CYYR1: variants seen among roughly 807,000 people sequenced by gnomAD.
The protein encoded by CYYR1 is cysteine and tyrosine rich 1, also known as cysteine and tyrosine-rich protein 1.
In CYYR1, 14 loss-of-function variants were observed where a neutral mutation model predicts 15.2. That is an observed-to-expected ratio of 0.92 (90% CI 0.61 to 1.44). The LOEUF (loss-of-function observed/expected upper bound fraction) is 1.44, where lower values mean the gene tolerates loss of function less well. Among genes scored for constraint, CYYR1 ranks in the 40% most tolerant of loss-of-function variants. CYYR1 has a pLI of 0.00. For synonymous variants in CYYR1, 80 were observed against 77.4 expected, an observed-to-expected ratio of 1.03 and a Z score of -0.18; for missense variants, 228 against 209.5, an observed-to-expected ratio of 1.09 and a Z score of -0.54.
chr21:26,571,918 T>C (rs1293882430), intron 1 of CYYR1, among the ~76,000 whole-genome samples: 2 of 152,242 alleles, frequency 1.3e-5, no homozygotes, highest in Admixed American at 6.5e-5. Flanking sequence ...ACAGAAGTTA[T>C]GGTGACTCTT....
intron 2 of CYYR1, chr21:26,564,841 A>T (rs1432169411): frequency 8.3e-7 from 1 of 1,205,548 alleles, no homozygotes. Flanking sequence ...ATGTGGAGAC[A>T]GTTTGAGAAA....
chr21:26,505,222 C>T (rs1601764618), intron 2 of CYYR1, among the ~76,000 whole-genome samples: 1 of 152,128 alleles, frequency 6.6e-6, no homozygotes, highest in African/African-American at 2.4e-5. Flanking sequence ...CTTTGTTTTC[C>T]ATATGATGCC....
At chr21:26,558,615 G>C (rs1441389628) in intron 2 of CYYR1, among the ~76,000 whole-genome samples, 3 of 152,036 alleles carry the variant, frequency 2.0e-5, no homozygotes, top group Non-Finnish European at 2.9e-5. Flanking sequence ...CTCAGTCCTG[G>C]GCAATCCTGA....
intron 2 of CYYR1, among the ~76,000 whole-genome samples, chr21:26,534,700 G>T (rs1424916784): frequency 6.6e-6 from 1 of 151,928 alleles, no homozygotes. Context: ...TCCCTTTCAG[G>T]CTTAGAAATG....
chr21:26,567,818 C>T (rs1980744481), intron 1 of CYYR1: 1 of 152,148 alleles, frequency 6.6e-6, no homozygotes, highest in South Asian at 2.1e-4. Context: ...AATCACTTCC[C>T]TGCTAAGATG....
chr21:26,509,668 A>C (rs1156998523), intron 2 of CYYR1, among the ~76,000 whole-genome samples: 1 of 152,146 alleles, frequency 6.6e-6, no homozygotes, highest in Non-Finnish European at 1.5e-5. Flanking sequence ...GCTCTCCTCT[A>C]TGCAGTGACT....
At position 26,512,692 on chromosome 21, in the gene CYYR1, C is replaced by T. The variant is rs148118806; in HGVS notation, c.177-32263G>A. Among the ~76,000 whole-genome samples, 35 of 152,292 alleles carry T rather than the reference C, an allele frequency of 2.3e-4. No homozygotes were observed. The East Asian group carries it at 5.4e-3, about 24-fold the overall frequency. On this transcript the variant is annotated intron_variant, in intron 2 of 3. Transcript: ENST00000652641. ...TAAATAAAATTTTATTGGGACACAT[C>T]CAAATTCATGTGTTTACGCATTGTC...
chr21:26,493,690 G>A (rs926228034), intron 2 of CYYR1, among the ~76,000 whole-genome samples: 17 of 152,112 alleles, frequency 1.1e-4, no homozygotes, highest in Non-Finnish European at 1.5e-5. Context: ...CCAGAGGAGT[G>A]ACCTCTAGAA....
intron 2 of CYYR1, chr21:26,518,465 C>T (rs544265335): frequency 1.3e-5 from 2 of 152,428 alleles, no homozygotes; most frequent in South Asian, 4.1e-4. Flanking sequence ...ATTTCTCTCT[C>T]TGTCTCCTGT....
At chr21:26,496,158 T>C (rs890376390) in intron 2 of CYYR1, among the ~76,000 whole-genome samples, 1 of 152,220 alleles carries the variant, frequency 6.6e-6, no homozygotes, top group African/African-American at 2.4e-5. Context: ...GATATTGTTA[T>C]ATTTTTAAAG....
At chr21:26,520,706 A>C (rs2065792944) in intron 2 of CYYR1, among the ~76,000 whole-genome samples, 1 of 152,034 alleles carries the variant, frequency 6.6e-6, no homozygotes, top group African/African-American at 2.4e-5. Context: ...ACAGTGTAAA[A>C]GCTTTCCTAT....
chr21:26,528,171 T>A (rs2065889093), intron 2 of CYYR1, among the ~76,000 whole-genome samples: 1 of 152,216 alleles, frequency 6.6e-6, no homozygotes, highest in African/African-American at 2.4e-5. Context: ...CTAAATATCT[T>A]TTTTTAGTTC....
At chr21:26,514,520 C>T (rs2065694895) in intron 2 of CYYR1, among the ~76,000 whole-genome samples, 1 of 152,208 alleles carries the variant, frequency 6.6e-6, no homozygotes, top group African/African-American at 2.4e-5. Context: ...ATGCTGCTGT[C>T]ATGCTTCTTT....
At chr21:26,539,312 C>G (rs1375239730) in intron 2 of CYYR1, among the ~76,000 whole-genome samples, 1 of 152,092 alleles carries the variant, frequency 6.6e-6, no homozygotes, top group Non-Finnish European at 1.5e-5. Flanking sequence ...TTTCACGAGC[C>G]AAGCAGGGGA....
chr21:26,509,201 C>G (rs1027824638), intron 2 of CYYR1, among the ~76,000 whole-genome samples: 1 of 152,180 alleles, frequency 6.6e-6, no homozygotes, highest in African/African-American at 2.4e-5. Flanking sequence ...CCCTCTCAGT[C>G]ACTGTATTCA....
chr21:26,527,417 CT>C (rs1705581749), intron 2 of CYYR1, among the ~76,000 whole-genome samples: 1 of 152,008 alleles, frequency 6.6e-6, no homozygotes, highest in South Asian at 2.1e-4. Flanking sequence ...AGTCAAATCA[CT>C]TTTAATTTTA....
chr21:26,488,720 T>C (rs1328000761), intron 2 of CYYR1, among the ~76,000 whole-genome samples: 3 of 152,166 alleles, frequency 2.0e-5, no homozygotes, highest in Non-Finnish European at 4.4e-5. Context: ...CTGTCTTACC[T>C]TCCTTTCAGC....
At chr21:26,486,549 C>T in intron 2 of CYYR1, among the ~76,000 whole-genome samples, 1 of 152,094 alleles carries the variant, frequency 6.6e-6, no homozygotes, top group Non-Finnish European at 1.5e-5. Context: ...CCCCCCATCG[C>T]ATTGCTTTTG....
At chr21:26,531,285 A>G (rs545677242) in intron 2 of CYYR1, among the ~76,000 whole-genome samples, 1 of 152,270 alleles carries the variant, frequency 6.6e-6, no homozygotes, top group East Asian at 1.9e-4. Context: ...TTATTCCTTG[A>G]CAACCGTTCT....
Sources: allele counts gnomAD v4.1 joint callset (sites outside exome capture counted in the v4.1 genomes callset), GRCh38; gene constraint gnomAD v4.1.1; transcripts MANE v1.5; gene names NCBI Gene and HGNC (gene_info 2026-07-23, HGNC 2026-07-21).